Variants in SAMSN1 observed in about 807,000 individuals in gnomAD.
The protein encoded by SAMSN1 is SAM domain, SH3 domain and nuclear localization signals 1, also known as SAM domain-containing protein SAMSN-1.
Under a neutral mutation model 42.0 loss-of-function variants are expected in SAMSN1, and 31 were observed. The ratio of observed to expected loss-of-function variants is 0.74; its 90% CI spans 0.55 to 1.00. SAMSN1 has a LOEUF of 1.00. Among genes scored for constraint, SAMSN1 ranks in the 50% least tolerant of loss-of-function variants. SAMSN1 has a pLI of 0.00. For missense variants in SAMSN1, 464 were observed against 439.4 expected (o/e 1.06, Z -0.50); for synonymous variants, 178 against 151.9 (o/e 1.17, Z -1.26).
At chr21:14,535,078 A>G (rs1420455823) in intron 1 of SAMSN1, among the ~76,000 whole-genome samples, 1 of 152,186 alleles carries the variant, frequency 6.6e-6, no homozygotes, top group African/African-American at 2.4e-5. Flanking sequence ...TGGTCAGATC[A>G]TCAGGAACAC....
rs543940668 is a variant in SAMSN1 at position 14,577,044 on chromosome 21, G to A, written c.261+5092C>T. On this transcript the variant is annotated intron_variant, in intron 2 of 8. Transcript: ENST00000285670. ...CCTTGTTTATGTCTAGATTGCATCC[G>A]TTTCTTTTTTTTTTTTTTTTTTTTT... 1.3e-4 allele frequency among the ~76,000 whole-genome samples: 12 copies of A among 94,428 alleles called. No individual in the cohort carries two copies. In the East Asian group the frequency reaches 3.6e-3, roughly 28 times the overall value. The allele number at this position is 94,428 out of a possible 152,430, so 61.9% of individuals were successfully genotyped here. A position where few individuals can be genotyped will look rare whatever the true frequency, so the allele number is the denominator to read the frequency against.
rs146104160 is a variant in SAMSN1 at position 14,636,401 on chromosome 21, C to T, written c.156+6601G>A. 5.2e-4 allele frequency among the ~76,000 whole-genome samples: 79 copies of T among 152,286 alleles called. 1 individual carries two copies. Among genetic ancestry groups the T allele is most frequent in the African/African-American group, 1.8e-3 (73 of 41,566 alleles). ...ACATAACTCCTCACCCCACTGCCAC[C>T]GCACACACTTGTGGCAGAGAGACCA... is the stretch of plus-strand genomic sequence containing the variant. On this transcript the variant is annotated intron_variant, in intron 2 of 15. Coordinates refer to the SAMSN1 transcript ENST00000647101.
At chr21:14,620,743 A>C (rs1170655877) in intron 2 of SAMSN1, among the ~76,000 whole-genome samples, 1 of 152,216 alleles carries the variant, frequency 6.6e-6, no homozygotes, top group Non-Finnish European at 1.5e-5. Flanking sequence ...AAATCCTTAC[A>C]TGATGTCAAA....
chr21:14,513,100 T>C (rs1987759884), intron 3 of SAMSN1, among the ~76,000 whole-genome samples: 2 of 152,182 alleles, frequency 1.3e-5, no homozygotes. Flanking sequence ...ACAAATCTAA[T>C]ACCATGCTTG....
chr21:14,573,841 T>C (rs1376744626), intron 2 of SAMSN1, among the ~76,000 whole-genome samples: 1 of 152,152 alleles, frequency 6.6e-6, no homozygotes, highest in African/African-American at 2.4e-5. Context: ...AGAGCTAAGC[T>C]CATAGCTGAC....
intron 2 of SAMSN1, among the ~76,000 whole-genome samples, chr21:14,560,758 A>T (rs1980919298): frequency 6.6e-6 from 1 of 152,118 alleles, no homozygotes; most frequent in African/African-American, 2.4e-5. Context: ...CTTGCTTCAC[A>T]ATGGTTCTTC....
chr21:14,631,047 C>T (rs1600974654), intron 2 of SAMSN1, among the ~76,000 whole-genome samples: 1 of 152,192 alleles, frequency 6.6e-6, no homozygotes, highest in South Asian at 2.1e-4. Context: ...AGACACTAGA[C>T]TCTAAGTGGT....
intron 5 of SAMSN1, 90 bp downstream of exon 5, chr21:14,510,220 C>T: frequency 8.1e-7 from 1 of 1,234,140 alleles, no homozygotes; most frequent in Non-Finnish European, 1.2e-6. Flanking sequence ...CACACTCACA[C>T]TGTCTTCCCA....
intron 7 of SAMSN1, among the ~76,000 whole-genome samples, chr21:14,491,965 T>A (rs1312837488): frequency 1.3e-5 from 2 of 151,578 alleles, no homozygotes; most frequent in Non-Finnish European, 2.9e-5. Context: ...TAAAAAACTT[T>A]AATATCAGTA....
At chr21:14,587,506 G>C (rs1981952717), upstream of SAMSN1, among the ~76,000 whole-genome samples, 1 of 151,944 alleles carries the variant, frequency 6.6e-6, no homozygotes, top group Non-Finnish European at 1.5e-5. Flanking sequence ...CCTATATGCT[G>C]ACACCTTCCT....
chr21:14,539,409 A>T (rs996255895), intron 1 of SAMSN1, among the ~76,000 whole-genome samples: 3 of 152,202 alleles, frequency 2.0e-5, no homozygotes, highest in African/African-American at 7.2e-5. Flanking sequence ...ATCTCAGCCC[A>T]AAATCTCCTT....
intron 2 of SAMSN1, among the ~76,000 whole-genome samples, chr21:14,627,237 T>G (rs1184938215): frequency 3.3e-5 from 5 of 150,994 alleles, no homozygotes; most frequent in African/African-American, 1.2e-4. Flanking sequence ...GTAACAAACC[T>G]GCACGTTGTG....
At chr21:14,502,074 T>G (rs1987184657) in intron 5 of SAMSN1, among the ~76,000 whole-genome samples, 1 of 152,224 alleles carries the variant, frequency 6.6e-6, no homozygotes. Context: ...CCTTTTTAAG[T>G]GTCTATCCTC....
intron 1 of SAMSN1, 130 bp downstream of exon 1, chr21:14,546,075 A>T (rs1980370912): frequency 2.8e-6 from 2 of 717,914 alleles, no homozygotes; most frequent in Admixed American, 6.4e-5. Context: ...CGTATTTGCC[A>T]TGAGGCATTA....
chr21:14,577,238 G>GTGTATA (rs1248361790), intron 2 of SAMSN1, among the ~76,000 whole-genome samples: 13 of 28,178 alleles, frequency 4.6e-4, no homozygotes, highest in South Asian at 1.5e-3. Context: ...ATATATGTGT[G>GTGTATA]TATATATATA....
intron 2 of SAMSN1, among the ~76,000 whole-genome samples, chr21:14,558,247 C>T (rs1422209386): frequency 6.6e-6 from 1 of 151,858 alleles, no homozygotes; most frequent in African/African-American, 2.4e-5. Flanking sequence ...TGACAAGTAA[C>T]AGGATTAAAA....
chr21:14,535,385 T>G (rs1979539628), intron 1 of SAMSN1, among the ~76,000 whole-genome samples: 1 of 151,992 alleles, frequency 6.6e-6, no homozygotes, highest in Non-Finnish European at 1.5e-5. Context: ...GGCAGTCAAG[T>G]CAAATGTGGG....
intron 1 of SAMSN1, among the ~76,000 whole-genome samples, chr21:14,541,883 C>G (rs1298511958): frequency 6.6e-6 from 1 of 151,642 alleles, no homozygotes; most frequent in Admixed American, 6.6e-5. Context: ...ATTCCAGCGA[C>G]TCGGGAGGCT....
At chr21:14,644,500 C>A (rs1983674753) in intron 1 of SAMSN1, among the ~76,000 whole-genome samples, 1 of 152,084 alleles carries the variant, frequency 6.6e-6, no homozygotes, top group Admixed American at 6.5e-5. Context: ...GCCCTTGGGC[C>A]CTGAATAGCC....
Sources: gnomAD v4.1 joint callset for allele counts (sites outside exome capture counted in the v4.1 genomes callset) on GRCh38, gnomAD v4.1.1 for gene constraint, MANE v1.5 for transcripts, NCBI Gene and HGNC (gene_info 2026-07-23, HGNC 2026-07-21) for gene names.